The following ZRANB3 variants were observed in gnomAD, a reference collection of about 807,000 sequenced individuals.
ZRANB3 encodes the protein zinc finger RANBP2-type containing 3, also known as DNA annealing helicase and endonuclease ZRANB3.
In ZRANB3, 125 loss-of-function variants were observed where a neutral mutation model predicts 133.8. The ratio of observed to expected loss-of-function variants is 0.93; its 90% CI spans 0.81 to 1.08. The LOEUF (loss-of-function observed/expected upper bound fraction) is 1.08. Among genes scored for constraint, ZRANB3 ranks in the 50% least tolerant of loss-of-function variants. The pLI, the probability that ZRANB3 is intolerant of heterozygous loss-of-function variation, is 0.00. For synonymous variants in ZRANB3, 387 were observed against 432.7 expected (o/e 0.89, Z 1.31); for missense variants, 1,229 against 1,275.5 (o/e 0.96, Z 0.56).
chr2:135,248,742 C>A (rs1029026111), intron 12 of ZRANB3, among the ~76,000 whole-genome samples: 15 of 152,182 alleles, frequency 9.9e-5, no homozygotes, highest in Admixed American at 7.8e-4. Context: ...CCTATCCTTA[C>A]AAAAACTACA....
chr2:135,351,732 T>C (rs1481876546), intron 4 of ZRANB3, among the ~76,000 whole-genome samples: 1 of 152,196 alleles, frequency 6.6e-6, no homozygotes, highest in Non-Finnish European at 1.5e-5. Context: ...CAGGCATAAC[T>C]GATATAAGCC....
At chr2:135,302,143 A>G (rs943688316) in intron 8 of ZRANB3, among the ~76,000 whole-genome samples, 1 of 152,246 alleles carries the variant, frequency 6.6e-6, no homozygotes, top group African/African-American at 2.4e-5. Context: ...TTTAATCTAT[A>G]ATGTAGGTAA....
chr2:135,500,460 C>T (rs576855177), intron 2 of ZRANB3, among the ~76,000 whole-genome samples: 2 of 151,916 alleles, frequency 1.3e-5, no homozygotes, highest in South Asian at 2.1e-4. Context: ...GAACTACAAC[C>T]GCATACAAAA....
At chr2:135,271,368 T>C (rs1161765497) in intron 10 of ZRANB3, 3 of 472,284 alleles carry the variant, frequency 6.4e-6, no homozygotes, top group South Asian at 4.6e-5. Flanking sequence ...AGAGTTCTTT[T>C]CCCCCAGGCC....
At chr2:135,494,307 C>CAAAAAAAA (rs770757530) in intron 2 of ZRANB3, among the ~76,000 whole-genome samples, 17 of 51,160 alleles carry the variant, frequency 3.3e-4, no homozygotes, top group Admixed American at 6.3e-4. Flanking sequence ...GACTCCGTCT[C>CAAAAAAAA]AAAAAAAAAA....
intron 2 of ZRANB3, among the ~76,000 whole-genome samples, chr2:135,496,505 G>A (rs1456574260): frequency 6.7e-6 from 1 of 149,610 alleles, no homozygotes; most frequent in African/African-American, 2.5e-5. Flanking sequence ...ACAATAAAAG[G>A]CAAAATTAAC....
In ZRANB3 at chr2:135,350,710, C is replaced by T. The variant is rs746967574; in HGVS notation, c.360-495G>A. On this transcript the variant is annotated intron_variant, in intron 4 of 20. Transcript: ENST00000264159. ...GACTTAACAGGGCTGTTCAGTGCACCGCAGAGCTTCATTTCCTGGTCCTAC... is the reference window on the plus strand; with the variant it reads ...GACTTAACAGGGCTGTTCAGTGCACTGCAGAGCTTCATTTCCTGGTCCTAC... 3.9e-5 allele frequency among the ~76,000 whole-genome samples: 6 copies of T among 152,094 alleles called. No individual in the cohort carries two copies. In the South Asian group the frequency reaches 1.0e-3, roughly 26 times the overall value.
chr2:135,397,160 A>C (rs1687527539), intron 2 of ZRANB3, among the ~76,000 whole-genome samples: 1 of 151,850 alleles, frequency 6.6e-6, no homozygotes, highest in African/African-American at 2.4e-5. Context: ...CAAAACCAAG[A>C]GACCGGACAA....
chr2:135,342,721 G>A (rs1684734453), intron 6 of ZRANB3, among the ~76,000 whole-genome samples: 1 of 149,484 alleles, frequency 6.7e-6, no homozygotes, highest in African/African-American at 2.6e-5. Context: ...CAGGTAAGCT[G>A]TGGTAATAGT....
chr2:135,324,302 A>G (rs894081596), intron 6 of ZRANB3, among the ~76,000 whole-genome samples: 4 of 149,856 alleles, frequency 2.7e-5, no homozygotes, highest in African/African-American at 9.8e-5. Context: ...TCACTGTTCA[A>G]TTCCCACCTA....
At chr2:135,272,659 C>T (rs1680587103) in intron 9 of ZRANB3, among the ~76,000 whole-genome samples, 1 of 151,738 alleles carries the variant, frequency 6.6e-6, no homozygotes, top group Admixed American at 6.6e-5. Context: ...GTGATTCCCC[C>T]GCCTCATCGC....
chr2:135,500,878 A>ATTAT (rs1692911768), intron 2 of ZRANB3, among the ~76,000 whole-genome samples: 1 of 152,114 alleles, frequency 6.6e-6, no homozygotes, highest in South Asian at 2.1e-4. Context: ...TAGCACAGAC[A>ATTAT]GAGAAAATAT....
intron 12 of ZRANB3, among the ~76,000 whole-genome samples, chr2:135,250,017 G>A (rs1056365346): frequency 9.2e-5 from 14 of 152,292 alleles, no homozygotes; most frequent in Non-Finnish European, 8.8e-5. Flanking sequence ...GAAAATGTGG[G>A]AAAGTTTAGA....
intron 2 of ZRANB3, among the ~76,000 whole-genome samples, chr2:135,431,195 AG>A (rs1482062586): frequency 2.0e-5 from 3 of 151,540 alleles, no homozygotes; most frequent in African/African-American, 7.3e-5. Context: ...GGGAGGCTCA[AG>A]TGGGAGGATC....
At chr2:135,267,218 A>T (rs1268102771) in intron 11 of ZRANB3, among the ~76,000 whole-genome samples, 2 of 152,190 alleles carry the variant, frequency 1.3e-5, no homozygotes, top group Non-Finnish European at 2.9e-5. Flanking sequence ...GAAGCTGAGA[A>T]GTTAAGGTTG....
At chr2:135,473,471 A>T (rs1386233715) in intron 2 of ZRANB3, among the ~76,000 whole-genome samples, 1 of 152,138 alleles carries the variant, frequency 6.6e-6, no homozygotes, top group Non-Finnish European at 1.5e-5. Context: ...CTTTATAAGT[A>T]CTAAGTAGCA....
chr2:135,482,333 T>A (rs1208090473), intron 2 of ZRANB3, among the ~76,000 whole-genome samples: 2 of 137,770 alleles, frequency 1.5e-5, no homozygotes, highest in Admixed American at 1.5e-4. Flanking sequence ...GTCCTTCACA[T>A]CCCTTGTAAG....
chr2:135,448,351 C>A (rs1307348737), intron 2 of ZRANB3, among the ~76,000 whole-genome samples: 1 of 152,156 alleles, frequency 6.6e-6, no homozygotes, highest in Non-Finnish European at 1.5e-5. Flanking sequence ...ATCTGAACAG[C>A]CGCTATACAT....
intron 17 of ZRANB3, among the ~76,000 whole-genome samples, chr2:135,214,875 G>A (rs1239243751): frequency 6.6e-6 from 1 of 152,184 alleles, no homozygotes; most frequent in Non-Finnish European, 1.5e-5. Flanking sequence ...GGACTTTACT[G>A]TACTCATACA....
Sources: allele counts gnomAD v4.1 joint callset (sites outside exome capture counted in the v4.1 genomes callset), GRCh38; gene constraint gnomAD v4.1.1; transcripts MANE v1.5; gene names NCBI Gene and HGNC (gene_info 2026-07-23, HGNC 2026-07-21).